Variants in HHAT observed in about 807,000 individuals in gnomAD.
The protein encoded by HHAT is hedgehog acyltransferase, also known as protein-cysteine N-palmitoyltransferase HHAT.
HHAT carries 47 observed loss-of-function variants against 70.8 expected under a neutral mutation model. The observed-to-expected ratio is 0.66, with a 90% confidence interval of 0.53 to 0.85. The LOEUF is 0.85. Among genes scored for constraint, HHAT ranks in the 40% least tolerant of loss-of-function variants. The probability of loss-of-function intolerance (pLI) is 0.00; values close to 1 mark genes in which losing one functional copy is unlikely to be tolerated. For synonymous variants in HHAT, 228 were observed against 247.6 expected, an observed-to-expected ratio of 0.92 and a Z score of 0.74; for missense variants, 609 against 604.8, an observed-to-expected ratio of 1.01 and a Z score of -0.07.
At chr1:210,543,535 A>G (rs2095452069) in intron 9 of HHAT, among the ~76,000 whole-genome samples, 3 of 152,102 alleles carry the variant, frequency 2.0e-5, no homozygotes. Flanking sequence ...TCAAGCCTGC[A>G]GTGAGCTGTG....
At position 210,563,289 on chromosome 1, in the gene HHAT, A is replaced by G. The variant is rs116168959; in HGVS notation, c.1044-24609A>G. ...AATGAAGCAGCTGAGCAACTGTATAATTATCCAAACTGTAAGAATTTAGAA... is the reference window on the plus strand; with the variant it reads ...AATGAAGCAGCTGAGCAACTGTATAGTTATCCAAACTGTAAGAATTTAGAA... On this transcript the variant is annotated intron_variant, in intron 9 of 11. Transcript: ENST00000261458. Among the ~76,000 whole-genome samples, 677 of 152,316 alleles carry G rather than the reference A, an allele frequency of 4.4e-3. 2 individuals carry two copies. Among genetic ancestry groups the G allele is most frequent in the African/African-American group, 0.014 (580 of 41,566 alleles).
At chr1:210,631,456 T>G (rs1670855280) in intron 11 of HHAT, among the ~76,000 whole-genome samples, 1 of 152,226 alleles carries the variant, frequency 6.6e-6, no homozygotes, top group Non-Finnish European at 1.5e-5. Flanking sequence ...CACCTACAAC[T>G]CTTTATCCCA....
At chr1:210,494,407 C>T (rs6540600) in intron 8 of HHAT, among the ~76,000 whole-genome samples, 6 of 151,876 alleles carry the variant, frequency 4.0e-5, no homozygotes, top group African/African-American at 1.5e-4. Flanking sequence ...TGGATGTCAG[C>T]GTTACAGAGT....
chr1:210,576,746 A>G (rs1573455549), intron 9 of HHAT, among the ~76,000 whole-genome samples: 1 of 152,206 alleles, frequency 6.6e-6, no homozygotes, highest in Non-Finnish European at 1.5e-5. Flanking sequence ...CTGGCCCATT[A>G]TTAGTAAGTA....
intron 9 of HHAT, among the ~76,000 whole-genome samples, chr1:210,584,883 A>G (rs1660094128): frequency 6.6e-6 from 1 of 152,224 alleles, no homozygotes; most frequent in African/African-American, 2.4e-5. Flanking sequence ...TCTGTTTCCC[A>G]TAATGCCAGG....
At chr1:210,656,143 C>T (rs1676359771) in intron 11 of HHAT, among the ~76,000 whole-genome samples, 1 of 152,196 alleles carries the variant, frequency 6.6e-6, no homozygotes, top group South Asian at 2.1e-4. Flanking sequence ...TTGGTTCTGC[C>T]TTCTAGAGTG....
At chr1:210,536,440 G>A (rs1387066143) in intron 9 of HHAT, among the ~76,000 whole-genome samples, 1 of 152,244 alleles carries the variant, frequency 6.6e-6, no homozygotes, top group Non-Finnish European at 1.5e-5. Flanking sequence ...CTGTTTTCAT[G>A]TGTGTCCAGC....
intron 1 of HHAT, among the ~76,000 whole-genome samples, chr1:210,332,006 T>A (rs2085033172): frequency 6.6e-6 from 1 of 152,212 alleles, no homozygotes; most frequent in Admixed American, 6.5e-5. Flanking sequence ...TCTATGTCCA[T>A]CTCACAGAGC....
chr1:210,343,610 T>A (rs2086229788), intron 1 of HHAT, among the ~76,000 whole-genome samples: 1 of 152,166 alleles, frequency 6.6e-6, no homozygotes, highest in Admixed American at 6.5e-5. Flanking sequence ...GTACTGCCTG[T>A]CATTCCCTTG....
rs957528448 is a variant in HHAT, at chr1:210,329,174, G to C, written c.-44+70G>C. 3.3e-6 allele frequency: 4 copies of C among 1,218,530 alleles called. No homozygotes were observed. The Admixed American group carries it at 1.3e-4, about 39-fold the overall frequency. 75.5% of individuals were successfully genotyped at this position (1,218,530 alleles called of 1,614,324 possible). A position where few individuals can be genotyped will look rare whatever the true frequency, so the allele number is the denominator to read the frequency against. On this transcript the variant is annotated intron_variant, in intron 1 of 11. Transcript: ENST00000261458. Reference sequence around the variant, plus strand: ...TGAATTTTCTGCGTCAGTTTACTCTGTTAAAAAAAAAATGCACAAAACGCT... The same window carrying C: ...TGAATTTTCTGCGTCAGTTTACTCTCTTAAAAAAAAAATGCACAAAACGCT...
intron 3 of HHAT, among the ~76,000 whole-genome samples, chr1:210,373,989 A>G (rs1423047148): frequency 6.6e-6 from 1 of 152,222 alleles, no homozygotes; most frequent in Non-Finnish European, 1.5e-5. Context: ...AGTTACACAG[A>G]CTTTTATCAT....
At chr1:210,538,926 A>G (rs1447397473) in intron 9 of HHAT, among the ~76,000 whole-genome samples, 1 of 152,114 alleles carries the variant, frequency 6.6e-6, no homozygotes, top group Non-Finnish European at 1.5e-5. Context: ...AAAATACAAA[A>G]ATTAGCCGAG....
intron 3 of HHAT, among the ~76,000 whole-genome samples, chr1:210,386,663 T>A (rs1572072773): frequency 1.3e-5 from 2 of 152,320 alleles, no homozygotes; most frequent in East Asian, 1.9e-4. Flanking sequence ...GGGTGACCGA[T>A]GACAGTGTGC....
intron 9 of HHAT, among the ~76,000 whole-genome samples, chr1:210,578,424 TTAAAAAAA>T (rs1046100883): frequency 3.3e-5 from 5 of 152,102 alleles, no homozygotes; most frequent in African/African-American, 1.2e-4. Flanking sequence ...TGGAGATTCC[TTAAAAAAA>T]TAAAAAAGAG....
intron 2 of HHAT, among the ~76,000 whole-genome samples, chr1:210,359,452 A>G (rs1440709275): frequency 6.6e-6 from 1 of 152,106 alleles, no homozygotes; most frequent in Admixed American, 6.5e-5. Flanking sequence ...TATTTTGCAG[A>G]CTTTGTACTG....
chr1:210,421,156 A>C (rs1236961025), intron 7 of HHAT, among the ~76,000 whole-genome samples: 2 of 152,196 alleles, frequency 1.3e-5, no homozygotes, highest in African/African-American at 4.8e-5. Flanking sequence ...GTGTGGAACC[A>C]CAAAAGATCC....
At chr1:210,583,838 C>T (rs1659788679) in intron 9 of HHAT, among the ~76,000 whole-genome samples, 1 of 151,838 alleles carries the variant, frequency 6.6e-6, no homozygotes, top group Admixed American at 6.6e-5. Context: ...TTCCTGATCA[C>T]AAGCTTGAAA....
At position 210,344,171 on chromosome 1, in the gene HHAT, G is replaced by C. The variant is rs75089796; in HGVS notation, c.-43-4762G>C. The stretch of plus-strand genomic sequence containing the variant: ...AATTCCTAAATTTTGGGGGTGAGGG[G>C]ACAGCTAGTTTCCCTGCTTAGTTAC... On this transcript the variant is annotated intron_variant, in intron 1 of 11. Coordinates refer to ENST00000261458, the MANE Select transcript of HHAT (RefSeq NM_018194.6). 1.4e-4 allele frequency among the ~76,000 whole-genome samples: 22 copies of C among 152,296 alleles called. No homozygotes were observed. In the East Asian group the frequency reaches 4.2e-3, roughly 29 times the overall value.
intron 9 of HHAT, among the ~76,000 whole-genome samples, chr1:210,577,854 C>T (rs1041733619): frequency 2.0e-5 from 3 of 151,878 alleles, no homozygotes; most frequent in African/African-American, 4.8e-5. Flanking sequence ...CCATGTTGGC[C>T]AGGCTGGTCT....
Sources: gnomAD v4.1 joint callset for allele counts (sites outside exome capture counted in the v4.1 genomes callset) on GRCh38, gnomAD v4.1.1 for gene constraint, MANE v1.5 for transcripts, NCBI Gene and HGNC (gene_info 2026-07-23, HGNC 2026-07-21) for gene names.